TMEM106B: variants seen among roughly 807,000 people sequenced by gnomAD.
The protein encoded by TMEM106B is transmembrane protein 106B.
Under a neutral mutation model 31.1 loss-of-function variants are expected in TMEM106B, and 15 were observed. The ratio of observed to expected loss-of-function variants is 0.48; its 90% CI spans 0.32 to 0.74. The LOEUF is 0.74. TMEM106B is among the 30% of genes least tolerant of loss of function. The probability of loss-of-function intolerance (pLI) is 0.03; values close to 1 mark genes in which losing one functional copy is unlikely to be tolerated. For missense variants in TMEM106B, 283 were observed against 327.3 expected (o/e 0.86, Z 1.04); for synonymous variants, 126 against 112.5 (o/e 1.12, Z -0.76).
chr7:12,213,235 A>T (rs1781615451), intron 1 of TMEM106B, among the ~76,000 whole-genome samples: 1 of 151,802 alleles, frequency 6.6e-6, no homozygotes, highest in Non-Finnish European at 1.5e-5. Context: ...TGTATTGGTA[A>T]CTTATATTTA....
At chr7:12,219,267 A>G (rs1781743416) in intron 3 of TMEM106B, among the ~76,000 whole-genome samples, 6 of 152,208 alleles carry the variant, frequency 3.9e-5, no homozygotes, top group Admixed American at 3.3e-4. Flanking sequence ...TAGGGAGATC[A>G]TCTCAAAACT....
rs947369223 is a variant in TMEM106B at position 12,236,441 on chromosome 7, G to A, written c.*4466G>A. 2 of 151,890 alleles carry A rather than the reference G, an allele frequency of 1.3e-5. No homozygotes were observed. Among genetic ancestry groups the A allele is most frequent in the African/African-American group, 4.8e-5 (2 of 41,388 alleles). The allele number at this position is 151,890 out of a possible 1,614,324, so 9.4% of individuals were successfully genotyped here. The stretch of plus-strand genomic sequence containing the variant: ...TTGGATTAATTTAACAAATATGGCA[G>A]ATTTTTCATAACTAAGTCTTAAGTC... On this transcript the variant is annotated 3_prime_UTR_variant, in exon 8 of 8. Coordinates refer to ENST00000396668, the MANE Select transcript of TMEM106B (RefSeq NM_001134232.2).
Position 12,239,801 on chromosome 7 carries a change from AC to A in TMEM106B, c.*7827del, listed in dbSNP as rs1202293790. The A allele has an allele frequency of 6.6e-6, 1 of 152,156 alleles. No homozygotes were observed. The highest frequency in any genetic ancestry group is 2.4e-5 in the African/African-American group (1 of 41,444). The allele number at this position is 152,156 out of a possible 1,614,324, so 9.4% of individuals were successfully genotyped here. A position where few individuals can be genotyped will look rare whatever the true frequency, so the allele number is the denominator to read the frequency against. On this transcript the variant is annotated 3_prime_UTR_variant, in exon 8 of 8. Coordinates refer to ENST00000396668, the MANE Select transcript of TMEM106B (RefSeq NM_001134232.2). ...TGGTTCATGCTGCCTCCAAATACTT[AC>A]AAAAACATCAAAGATCACTGATTAC...
At chr7:12,225,713 G>A (rs142820543) in intron 4 of TMEM106B, among the ~76,000 whole-genome samples, 4,465 of 151,600 alleles carry the variant, frequency 0.029, 159 homozygotes, top group African/African-American at 0.086. Flanking sequence ...TTTTTGATGG[G>A]GTTGTTTGAT....
chr7:12,220,230 C>T (rs556523011), intron 3 of TMEM106B, among the ~76,000 whole-genome samples: 3 of 152,022 alleles, frequency 2.0e-5, no homozygotes, highest in African/African-American at 7.2e-5. Flanking sequence ...AGGATTAATC[C>T]CTTTATAACC....
intron 3 of TMEM106B, among the ~76,000 whole-genome samples, chr7:12,223,236 A>G (rs1311383357): frequency 1.3e-5 from 2 of 152,216 alleles, no homozygotes; most frequent in African/African-American, 4.8e-5. Flanking sequence ...GAGTTGATCA[A>G]TGTAAAAAAA....
Position 12,233,968 on chromosome 7 carries a change from G to A in TMEM106B, c.*1993G>A, listed in dbSNP as rs973650267. The A allele has an allele frequency of 2.6e-5, 4 of 151,506 alleles. No individual in the cohort carries two copies. The highest frequency in any genetic ancestry group is 9.7e-5 in the African/African-American group (4 of 41,322). The allele number at this position is 151,506 out of a possible 1,614,324, so 9.4% of individuals were successfully genotyped here. A position where few individuals can be genotyped will look rare whatever the true frequency, so the allele number is the denominator to read the frequency against. The stretch of plus-strand genomic sequence containing the variant: ...GTGAACTACACATTTACTAAAATGT[G>A]TAAATTTTACACATTTAGTGACTGT... On this transcript the variant is annotated 3_prime_UTR_variant, in exon 8 of 8. Transcript: ENST00000396668.
Position 12,229,715 on chromosome 7 carries a change from G to C in TMEM106B, c.478G>C (p.Val160Leu), listed in dbSNP as rs1374586453. 1.2e-6 allele frequency: 2 copies of C among 1,612,072 alleles called. No individual in the cohort carries two copies. Among genetic ancestry groups the C allele is most frequent in the Admixed American group, 1.7e-5 (1 of 59,456 alleles). The part of the protein sequence containing the change: ...LNITNNNYYS[V>L]EVENITAQVQ... Reference sequence around the variant, plus strand: ...TATAACAAACAATAACTATTACTCTGTCGAAGTTGAAAACATCACTGCCCA... The same window carrying C: ...TATAACAAACAATAACTATTACTCTCTCGAAGTTGAAAACATCACTGCCCA... The change falls in exon 5 of 8, where the codon GTC becomes CTC. Residue 160 changes from valine to leucine, a missense_variant. Around this residue, in one of 3 missense-constraint regions of TMEM106B, gnomAD observed 201 missense variants for 211.5 expected, o/e 0.95. Transcript: ENST00000396668.
intron 3 of TMEM106B, among the ~76,000 whole-genome samples, chr7:12,222,476 C>T (rs1183098756): frequency 6.6e-6 from 1 of 151,936 alleles, no homozygotes; most frequent in Non-Finnish European, 1.5e-5. Context: ...ACTTATAAGC[C>T]CTAAGGACTA....
Position 12,243,306 on chromosome 7 carries a change from G to T in TMEM106B, c.*11331G>T, listed in dbSNP as rs569088305. The T allele has an allele frequency of 6.6e-6, 1 of 152,076 alleles. No homozygotes were observed. Among genetic ancestry groups the T allele is most frequent in the South Asian group, 2.1e-4 (1 of 4,822 alleles). The allele number at this position is 152,076 out of a possible 1,614,324, so 9.4% of individuals were successfully genotyped here. ...AATTCATTTAAATAGTATGTATTTT[G>T]ATACTAATTTTTAAGAAGAAATGTA... On this transcript the variant is annotated 3_prime_UTR_variant, in exon 8 of 8. Transcript: ENST00000396668.
Position 12,232,076 on chromosome 7 carries a change from C to A in TMEM106B, c.*101C>A. On this transcript the variant is annotated 3_prime_UTR_variant, in exon 8 of 8. Coordinates refer to ENST00000396668, the MANE Select transcript of TMEM106B (RefSeq NM_001134232.2). ...ATAGGAGACCTTAAATTGAACAAACCTAAAGTTTACACTTCTAAGAGTACA... is the reference window on the plus strand; with the variant it reads ...ATAGGAGACCTTAAATTGAACAAACATAAAGTTTACACTTCTAAGAGTACA... 8.8e-7 allele frequency: 1 copy of A among 1,136,384 alleles called. No homozygotes were observed. Among genetic ancestry groups the A allele is most frequent in the African/African-American group, 1.6e-5 (1 of 64,274 alleles). 70.4% of individuals were successfully genotyped at this position (1,136,384 alleles called of 1,614,324 possible). A position where few individuals can be genotyped will look rare whatever the true frequency, so the allele number is the denominator to read the frequency against.
At position 12,237,289 on chromosome 7, in the gene TMEM106B, C is replaced by T. The variant is rs1192555958; in HGVS notation, c.*5314C>T. ...ATTTTGGCTATGCTTTTGAAATTTC[C>T]TTAACATAAACAAATCAGTGTAGAT... On this transcript the variant is annotated 3_prime_UTR_variant, in exon 8 of 8. Transcript: ENST00000396668. 1 of 152,010 alleles carries T rather than the reference C, an allele frequency of 6.6e-6. No homozygotes were observed. The highest frequency in any genetic ancestry group is 2.4e-5 in the African/African-American group (1 of 41,388). 9.4% of individuals were successfully genotyped at this position (152,010 alleles called of 1,614,324 possible).
intron 4 of TMEM106B, among the ~76,000 whole-genome samples, chr7:12,227,885 C>T (rs1429964373): frequency 1.3e-5 from 2 of 151,570 alleles, no homozygotes; most frequent in African/African-American, 4.8e-5. Context: ...TATTCTCAAC[C>T]TGTATTACAT....
chr7:12,230,484 G>A, intron 6 of TMEM106B, 46 bp downstream of exon 6: 1 of 1,274,620 alleles, frequency 7.8e-7, no homozygotes, highest in South Asian at 1.3e-5. Context: ...ATAATGAAGT[G>A]TATAAAATAA....
chr7:12,226,053 G>GGT (rs1781894777), intron 4 of TMEM106B, among the ~76,000 whole-genome samples: 3 of 152,124 alleles, frequency 2.0e-5, no homozygotes, highest in Admixed American at 1.3e-4. Flanking sequence ...TTTTGTACAA[G>GGT]GTGTAAGGAA....
intron 3 of TMEM106B, among the ~76,000 whole-genome samples, chr7:12,220,573 A>T (rs1324450939): frequency 6.6e-6 from 1 of 152,210 alleles, no homozygotes; most frequent in Non-Finnish European, 1.5e-5. Flanking sequence ...AGCTACACTT[A>T]GATGCCATTT....
At chr7:12,213,690 T>C (rs943452378) in intron 1 of TMEM106B, among the ~76,000 whole-genome samples, 9 of 152,328 alleles carry the variant, frequency 5.9e-5, no homozygotes, top group African/African-American at 1.4e-4. Context: ...AAAAAAACAC[T>C]TCTGGACTCT....
rs759908498 is a variant in TMEM106B at position 12,218,459 on chromosome 7, G to T, written c.219G>T (p.Gly73=). 28 of 1,611,610 alleles carry T rather than the reference G, an allele frequency of 1.7e-5. No individual in the cohort carries two copies. The South Asian group carries it at 3.0e-4, about 17-fold the overall frequency. ...TGAACTTACTTCTTTCACATTTAGG[G>T]CAAGAAAACCAACTGGTGGCATTGA... is the stretch of plus-strand genomic sequence containing the variant. The part of the protein sequence containing the change: ...TCQGTGRIPR[G]QENQLVALIP... Residue 73 remains glycine (G), a splice_region_variant and synonymous_variant, in exon 3 of 8, where the codon GGG becomes GGT. Coordinates refer to ENST00000396668, the MANE Select transcript of TMEM106B (RefSeq NM_001134232.2).
Position 12,241,461 on chromosome 7 carries a change from C to T in TMEM106B, c.*9486C>T, listed in dbSNP as rs1177765717. ...GTTCCCCTCCCTGTGTCCATCTGTT[C>T]TCATTGTTCAACTCCCACTTATGAG... On this transcript the variant is annotated 3_prime_UTR_variant, in exon 8 of 8. Transcript: ENST00000396668. The T allele has an allele frequency of 6.8e-6, 1 of 146,284 alleles. No homozygotes were observed. The highest frequency in any genetic ancestry group is 1.5e-5 in the Non-Finnish European group (1 of 67,630). The allele number at this position is 146,284 out of a possible 1,614,324, so 9.1% of individuals were successfully genotyped here. A position where few individuals can be genotyped will look rare whatever the true frequency, so the allele number is the denominator to read the frequency against.
Sources: allele counts gnomAD v4.1 joint callset (sites outside exome capture counted in the v4.1 genomes callset), GRCh38; gene constraint gnomAD v4.1.1; regional missense constraint gnomAD v4.1.1; transcripts MANE v1.5; gene names NCBI Gene and HGNC (gene_info 2026-07-23, HGNC 2026-07-21).